The following LIN28A variants were observed in gnomAD, a reference collection of about 807,000 sequenced individuals.
The protein encoded by LIN28A is protein lin-28 homolog A.
In LIN28A, 11 loss-of-function variants were observed where a neutral mutation model predicts 21.1. The observed-to-expected ratio is 0.52, with a 90% CI of 0.33 to 0.86. The LOEUF (loss-of-function observed/expected upper bound fraction) is 0.86, where lower values mean the gene tolerates loss of function less well. LIN28A is among the 40% of genes least tolerant of loss of function. The pLI is 0.03. For missense variants in LIN28A, 219 were observed against 279.8 expected, an observed-to-expected ratio of 0.78 and a Z score of 1.55; for synonymous variants, 111 against 108.7, an observed-to-expected ratio of 1.02 and a Z score of -0.13.
In LIN28A at chr1:26,426,327, A is replaced by G. The variant is rs1349238183; in HGVS notation, c.499A>G (p.Ile167Val). The change falls in exon 4 of 4, where the codon ATC becomes GTC. Residue 167 changes from isoleucine (I) to valine (V), a missense_variant. Coordinates refer to ENST00000326279, the MANE Select transcript of LIN28A (RefSeq NM_024674.6). ...CAAGAAGTGCCACTTCTGCCAGAGCATCAGCCATATGGTAGCCTCATGTCC... is the reference window on the plus strand; with the variant it reads ...CAAGAAGTGCCACTTCTGCCAGAGCGTCAGCCATATGGTAGCCTCATGTCC... Reference protein sequence around the residue: ...QPKKCHFCQSISHMVASCPLK... With the variant: ...QPKKCHFCQSVSHMVASCPLK... 6.2e-7 allele frequency: 1 copy of G among 1,614,228 alleles called. No individual in the cohort carries two copies. The highest frequency in any genetic ancestry group is 1.3e-5 in the African/African-American group (1 of 75,064).
chr1:26,410,903 G>A lies in LIN28A; in HGVS notation c.12G>A (p.Val4=). The part of the protein sequence containing the change: MGS[V]SNQQFAGGCA... ...CTCAGCCGACGACCATGGGCTCCGT[G>A]TCCAACCAGCAGTTTGCAGGTTCGA... The change falls in exon 1 of 4, where the codon GTG becomes GTA. Residue 4 remains valine, a synonymous_variant. Transcript: ENST00000326279. The A allele has an allele frequency of 6.2e-7, 1 of 1,608,906 alleles. No homozygotes were observed. The highest frequency in any genetic ancestry group is 8.5e-7 in the Non-Finnish European group (1 of 1,178,650).
chr1:26,426,283 G>C lies in LIN28A; in HGVS notation c.455G>C (p.Cys152Ser). 6.2e-7 allele frequency: 1 copy of C among 1,614,158 alleles called. No homozygotes were observed. Among genetic ancestry groups the C allele is most frequent in the South Asian group, 1.1e-5 (1 of 91,080 alleles). Residue 152 changes from cysteine (C) to serine (S), a missense_variant, in exon 4 of 4, where the codon TGC (cysteine) becomes TCC (serine). By Grantham distance (112) the Cys-to-Ser change is moderately radical (BLOSUM62 -1). Coordinates refer to ENST00000326279, the MANE Select transcript of LIN28A (RefSeq NM_024674.6). ...CGGLDHHAKE[C>S]KLPPQPKKCH... ...GGTCTAGATCATCATGCCAAGGAAT[G>C]CAAGCTGCCACCCCAGCCCAAGAAG... is the stretch of plus-strand genomic sequence containing the variant.
intron 2 of LIN28A, among the ~76,000 whole-genome samples, chr1:26,423,296 C>T (rs1279105911): frequency 6.6e-6 from 1 of 152,042 alleles, no homozygotes; most frequent in Non-Finnish European, 1.5e-5. Flanking sequence ...CCACCTCAGC[C>T]TCCCCAAAGT....
intron 2 of LIN28A, among the ~76,000 whole-genome samples, chr1:26,416,626 T>C (rs959015199): frequency 6.6e-6 from 1 of 152,060 alleles, no homozygotes; most frequent in African/African-American, 2.4e-5. Flanking sequence ...CGAGGTTTTT[T>C]ATTTTTTTTG....
chr1:26,413,543 C>T, intron 2 of LIN28A, among the ~76,000 whole-genome samples: 2 of 152,084 alleles, frequency 1.3e-5, no homozygotes, highest in African/African-American at 2.4e-5. Context: ...ATTTTAGGCT[C>T]TTGGAACATC....
chr1:26,426,532 T>G lies in LIN28A; in HGVS notation c.*74T>G. ...GCAGGCAGAGTGGAGAAAGTGGGAA[T>G]AGGGTGCATTGGGGCTAGTTGGCAC... On this transcript the variant is annotated 3_prime_UTR_variant, in exon 4 of 4. Transcript: ENST00000326279. 2 of 1,184,824 alleles carry G rather than the reference T, an allele frequency of 1.7e-6. No individual in the cohort carries two copies. Among genetic ancestry groups the G allele is most frequent in the Non-Finnish European group, 2.5e-6 (2 of 806,816 alleles). The allele number at this position is 1,184,824 out of a possible 1,614,324, so 73.4% of individuals were successfully genotyped here.
intron 2 of LIN28A, among the ~76,000 whole-genome samples, chr1:26,413,010 TTC>T (rs1267005112): frequency 1.3e-5 from 2 of 152,124 alleles, no homozygotes; most frequent in Non-Finnish European, 2.9e-5. Context: ...CTTTTCTCCC[TTC>T]TCTGTCTCAT....
intron 2 of LIN28A, among the ~76,000 whole-genome samples, chr1:26,418,463 G>A (rs907193256): frequency 9.9e-5 from 15 of 151,846 alleles, no homozygotes; most frequent in African/African-American, 3.1e-4. Flanking sequence ...GGAGAATGGC[G>A]TGAACCCGGG....
In LIN28A at chr1:26,428,624, T is replaced by A. The variant is rs528586457; in HGVS notation, c.*2166T>A. The A allele has an allele frequency of 6.6e-6, 1 of 151,708 alleles. No individual in the cohort carries two copies. The highest frequency in any genetic ancestry group is 2.4e-5 in the African/African-American group (1 of 41,364). The allele number at this position is 151,708 out of a possible 1,614,324, so 9.4% of individuals were successfully genotyped here. A position where few individuals can be genotyped will look rare whatever the true frequency, so the allele number is the denominator to read the frequency against. ...GTGGCATGATCGGCTCACTGCAGCC[T>A]CTGCCTCTTGGGTTCAAGTGATTCT... On this transcript the variant is annotated 3_prime_UTR_variant, in exon 4 of 4. Coordinates refer to ENST00000326279, the MANE Select transcript of LIN28A (RefSeq NM_024674.6).
chr1:26,411,438 G>A lies in LIN28A; in HGVS notation c.84G>A (p.Ala28=). Residue 28 remains alanine (A), a synonymous_variant, in exon 2 of 4, where the codon GCG becomes GCA. Transcript: ENST00000326279. This position sits in a 1 kb window ranked among gnomAD's most constrained non-coding sequence, Gnocchi z 5.4. Reference sequence around the variant, plus strand: ...CGCCCGAGGAGGCGCCGGAGGACGCGGCCCGGGCGGCGGACGAGCCTCAGC... The same window carrying A: ...CGCCCGAGGAGGCGCCGGAGGACGCAGCCCGGGCGGCGGACGAGCCTCAGC... The part of the protein sequence containing the change: ...EEAPEEAPED[A]ARAADEPQLL... 6.2e-7 allele frequency: 1 copy of A among 1,608,034 alleles called. No homozygotes were observed. Among genetic ancestry groups the A allele is most frequent in the South Asian group, 1.1e-5 (1 of 90,628 alleles).
rs1309752901 is a variant in LIN28A, at chr1:26,410,826, T to C, written c.-66T>C. ...TCTTCTCCGAACCAACCCTTTGCCT[T>C]CGGACTTCTCCGGGGCCAGCAGCCG... On this transcript the variant is annotated 5_prime_UTR_variant, in exon 1 of 4. Coordinates refer to ENST00000326279, the MANE Select transcript of LIN28A (RefSeq NM_024674.6). 6.4e-7 allele frequency: 1 copy of C among 1,573,228 alleles called. No individual in the cohort carries two copies. The highest frequency in any genetic ancestry group is 8.7e-7 in the Non-Finnish European group (1 of 1,144,488).
intron 3 of LIN28A, among the ~76,000 whole-genome samples, chr1:26,425,785 T>A (rs2075055309): frequency 6.6e-6 from 1 of 152,172 alleles, no homozygotes; most frequent in Non-Finnish European, 1.5e-5. Flanking sequence ...AGATCATAGA[T>A]TTGCAAATGG....
At chr1:26,423,413 CTT>C (rs1202952934) in intron 2 of LIN28A, among the ~76,000 whole-genome samples, 4,099 of 78,420 alleles carry the variant, frequency 0.052, 33 homozygotes, top group East Asian at 0.1. Context: ...TTTTCTTTTT[CTT>C]TTTTTTTTTT....
intron 2 of LIN28A, among the ~76,000 whole-genome samples, chr1:26,418,850 T>C (rs1332580263): frequency 7.5e-6 from 1 of 132,654 alleles, no homozygotes; most frequent in African/African-American, 2.8e-5. Context: ...AAGGAAGAAT[T>C]TTCTATATCT....
intron 2 of LIN28A, among the ~76,000 whole-genome samples, chr1:26,418,221 A>G (rs2075006657): frequency 6.6e-6 from 1 of 152,090 alleles, no homozygotes. Flanking sequence ...CTTTAACTGG[A>G]GAGATTCCTT....
In LIN28A at chr1:26,428,185, G is replaced by A. The variant is rs2075071244; in HGVS notation, c.*1727G>A. On this transcript the variant is annotated 3_prime_UTR_variant, in exon 4 of 4. Coordinates refer to ENST00000326279, the MANE Select transcript of LIN28A (RefSeq NM_024674.6). ...TTGTTTACAAACTTCTTTTTGTATT[G>A]AGAGAAAAATAGCCAAAGCATCTTT... 6.6e-6 allele frequency: 1 copy of A among 152,584 alleles called. No homozygotes were observed. The highest frequency in any genetic ancestry group is 1.5e-5 in the Non-Finnish European group (1 of 68,020). 9.5% of individuals were successfully genotyped at this position (152,584 alleles called of 1,614,324 possible).
intron 2 of LIN28A, among the ~76,000 whole-genome samples, chr1:26,415,603 G>C (rs1233738284): frequency 6.6e-6 from 1 of 151,892 alleles, no homozygotes; most frequent in Non-Finnish European, 1.5e-5. Context: ...AGCAGTCTGG[G>C]GTCCATGTTG....
intron 2 of LIN28A, among the ~76,000 whole-genome samples, chr1:26,422,910 T>C (rs1000448239): frequency 6.6e-6 from 1 of 152,200 alleles, no homozygotes; most frequent in African/African-American, 2.4e-5. Flanking sequence ...TTTTACCTTG[T>C]TAAATGTATT....
chr1:26,413,012 C>T (rs1480263096), intron 2 of LIN28A, among the ~76,000 whole-genome samples: 1 of 152,114 alleles, frequency 6.6e-6, no homozygotes, highest in East Asian at 1.9e-4. Context: ...TTTCTCCCTT[C>T]TCTGTCTCAT....
Sources: gnomAD v4.1 joint callset for allele counts (sites outside exome capture counted in the v4.1 genomes callset) on GRCh38, gnomAD v4.1.1 for gene constraint, Gnocchi (gnomAD v3.1) non-coding constraint, MANE v1.5 for transcripts, NCBI Gene and HGNC (gene_info 2026-07-23, HGNC 2026-07-21) for gene names.